Variants in EYS observed in about 807,000 individuals in gnomAD.
The protein encoded by EYS is protein eyes shut homolog.
A neutral mutation model predicts 282.1 loss-of-function variants in EYS; 250 were observed. The ratio of observed to expected loss-of-function variants is 0.89; its 90% CI spans 0.80 to 0.98. The LOEUF (loss-of-function observed/expected upper bound fraction) is 0.98. Ranked by LOEUF, EYS falls within the 50% of genes least tolerant of loss-of-function variation. EYS has a pLI of 0.00. For synonymous variants in EYS, 1,355 were observed against 1,282.9 expected (o/e 1.06, Z -1.20); for missense variants, 4,016 against 3,709.0 (o/e 1.08, Z -2.15).
At chr6:63,732,329 T>G (rs2149635727) in intron 41 of EYS, among the ~76,000 whole-genome samples, 1 of 152,240 alleles carries the variant, frequency 6.6e-6, no homozygotes, top group East Asian at 1.9e-4. Context: ...CTCTAATAGC[T>G]TATTATTTGA....
chr6:64,094,282 G>A (rs1772494240), intron 31 of EYS, among the ~76,000 whole-genome samples: 1 of 151,182 alleles, frequency 6.6e-6, no homozygotes. Context: ...AACAAGTTAA[G>A]GAGGATTCCT....
intron 33 of EYS, among the ~76,000 whole-genome samples, chr6:64,013,220 G>A (rs1407143673): frequency 1.3e-5 from 2 of 152,142 alleles, no homozygotes; most frequent in Non-Finnish European, 2.9e-5. Context: ...GCCATCACGA[G>A]ATACTGGAGA....
At chr6:65,181,741 A>G (rs1437793530) in intron 12 of EYS, among the ~76,000 whole-genome samples, 2 of 152,140 alleles carry the variant, frequency 1.3e-5, no homozygotes, top group East Asian at 1.9e-4. Context: ...TCATGCTGCT[A>G]TAAAGACACA....
At position 64,453,470 on chromosome 6, in the gene EYS, C is replaced by T. The variant is rs1247436626; in HGVS notation, c.5645-14118G>A. 2.0e-5 allele frequency among the ~76,000 whole-genome samples: 3 copies of T among 152,178 alleles called. No homozygotes were observed. In the East Asian group the frequency reaches 5.8e-4, roughly 29 times the overall value. On this transcript the variant is annotated intron_variant, in intron 26 of 42. Transcript: ENST00000503581. ...GTGGCGATTCCTCAGGGATCTAGAA[C>T]TGGAAATACCATTTGACCCTGCCAT... is the stretch of plus-strand genomic sequence containing the variant.
intron 26 of EYS, among the ~76,000 whole-genome samples, chr6:64,553,474 G>T (rs368155836): frequency 6.9e-6 from 1 of 144,430 alleles, no homozygotes; most frequent in East Asian, 2.1e-4. Flanking sequence ...TTATATCTGA[G>T]AATTACTAGT....
At chr6:63,995,624 A>AGCATTATTT (rs1245395209) in intron 34 of EYS, among the ~76,000 whole-genome samples, 29 of 152,176 alleles carry the variant, frequency 1.9e-4, no homozygotes, top group African/African-American at 7.0e-4. Flanking sequence ...TGTTCATTGT[A>AGCATTATTT]GCATTATTTG....
chr6:65,170,145 C>T (rs973047393), intron 12 of EYS, among the ~76,000 whole-genome samples: 1 of 151,290 alleles, frequency 6.6e-6, no homozygotes, highest in Admixed American at 6.6e-5. Context: ...CAAAGAACCC[C>T]ATGGTGAAGA....
chr6:65,190,874 G>C (rs1172475288), intron 12 of EYS, among the ~76,000 whole-genome samples: 1 of 151,758 alleles, frequency 6.6e-6, no homozygotes, highest in African/African-American at 2.4e-5. Flanking sequence ...ATGTAGGTGT[G>C]GGTTATTACT....
At chr6:64,147,929 GA>G (rs1381489298) in intron 31 of EYS, among the ~76,000 whole-genome samples, 3 of 151,152 alleles carry the variant, frequency 2.0e-5, no homozygotes, top group African/African-American at 7.3e-5. Context: ...TCAAGCCAGT[GA>G]GACTTTGGGG....
At chr6:64,576,727 T>C (rs910828014) in intron 26 of EYS, among the ~76,000 whole-genome samples, 3 of 152,104 alleles carry the variant, frequency 2.0e-5, no homozygotes, top group South Asian at 2.1e-4. Flanking sequence ...TTATGAAGAA[T>C]ATAAGCAATT....
intron 12 of EYS, among the ~76,000 whole-genome samples, chr6:65,231,135 A>ATATATACTTT (rs1766769201): frequency 6.9e-6 from 1 of 145,154 alleles, no homozygotes; most frequent in African/African-American, 2.5e-5. Flanking sequence ...ATACTTTTAT[A>ATATATACTTT]TATATACTTT....
Position 64,902,137 on chromosome 6 carries a change from C to A in EYS, c.2822G>T (p.Gly941Val), listed in dbSNP as rs749101387. 6.1e-5 allele frequency: 94 copies of A among 1,547,214 alleles called. No homozygotes were observed. In the African/African-American group the frequency reaches 8.2e-4, roughly 14 times the overall value. ...CCTGTTTGTCAGATCCACACATGTTCCATTATTTTTGCAAGGTTCAGAGGA... is the reference window on the plus strand; with the variant it reads ...CCTGTTTGTCAGATCCACACATGTTACATTATTTTTGCAAGGTTCAGAGGA... ...ECSSEPCKNN[G>V]TCVDLTNRFF... The change falls in exon 18 of 43, where the codon GGA becomes GTA. Residue 941 changes from glycine to valine, a missense_variant. Transcript: ENST00000503581.
At chr6:64,436,589 A>T (rs903564997) in intron 27 of EYS, among the ~76,000 whole-genome samples, 1 of 151,910 alleles carries the variant, frequency 6.6e-6, no homozygotes, top group African/African-American at 2.4e-5. Flanking sequence ...GTATTTTAGG[A>T]ATTTTCCTTA....
rs566963673 is a variant in EYS at position 64,309,652 on chromosome 6, G to T, written c.6079-2570C>A. ...ACACTTTTCCAAAGAAGACAGACAC[G>T]TGGCCAAAAATCATGTAAAAAAACA... is the stretch of plus-strand genomic sequence containing the variant. On this transcript the variant is annotated intron_variant, in intron 29 of 42. Coordinates refer to ENST00000503581, the MANE Select transcript of EYS (RefSeq NM_001142800.2). 1.9e-3 allele frequency among the ~76,000 whole-genome samples: 282 copies of T among 151,800 alleles called. 1 individual carries two copies. The highest frequency in any genetic ancestry group is 6.6e-3 in the African/African-American group (274 of 41,380).
intron 22 of EYS, among the ~76,000 whole-genome samples, chr6:64,673,497 G>A (rs1769539810): frequency 6.6e-6 from 1 of 152,058 alleles, no homozygotes; most frequent in Non-Finnish European, 1.5e-5. Flanking sequence ...AAACTTTGAT[G>A]TACTGCTGCC....
intron 5 of EYS, among the ~76,000 whole-genome samples, chr6:65,482,278 G>T (rs954935138): frequency 6.6e-6 from 1 of 152,056 alleles, no homozygotes; most frequent in Non-Finnish European, 1.5e-5. Context: ...TTAAACATTT[G>T]CCATAAATTA....
chr6:65,191,578 G>A (rs1444010249), intron 12 of EYS, among the ~76,000 whole-genome samples: 1 of 151,788 alleles, frequency 6.6e-6, no homozygotes. Flanking sequence ...AAATTTACAT[G>A]AGATGAAAAG....
chr6:64,001,449 A>C (rs576934573), intron 33 of EYS, among the ~76,000 whole-genome samples: 1 of 152,154 alleles, frequency 6.6e-6, no homozygotes, highest in Non-Finnish European at 1.5e-5. Context: ...AATGCAACCG[A>C]CTTTTTTTTT....
chr6:64,220,118 A>C (rs912250683), intron 31 of EYS, among the ~76,000 whole-genome samples: 1 of 152,200 alleles, frequency 6.6e-6, no homozygotes, highest in African/African-American at 2.4e-5. Flanking sequence ...CCAACATGGC[A>C]CATGTATACA....
Sources: gnomAD v4.1 joint callset for allele counts (sites outside exome capture counted in the v4.1 genomes callset) on GRCh38, gnomAD v4.1.1 for gene constraint, MANE v1.5 for transcripts, NCBI Gene and HGNC (gene_info 2026-07-23, HGNC 2026-07-21) for gene names.